Variants in ATG16L2 observed in about 807,000 individuals in gnomAD.
ATG16L2 encodes the protein protein Atg16l2.
A neutral mutation model predicts 84.7 loss-of-function variants in ATG16L2; 77 were observed. That is an observed-to-expected ratio of 0.91 (90% CI 0.76 to 1.10). ATG16L2 has a LOEUF of 1.10. Among genes scored for constraint, ATG16L2 ranks in the 50% least tolerant of loss-of-function variants. The probability of loss-of-function intolerance (pLI) is 0.00; values close to 1 mark genes in which losing one functional copy is unlikely to be tolerated. For missense variants in ATG16L2, 782 were observed against 817.6 expected (o/e 0.96, Z 0.53); for synonymous variants, 361 against 342.8 (o/e 1.05, Z -0.59).
chr11:72,828,078 C>T (rs1026355013), intron 14 of ATG16L2, among the ~76,000 whole-genome samples: 8 of 152,316 alleles, frequency 5.3e-5, no homozygotes, highest in East Asian at 3.9e-4. Flanking sequence ...TTTTTAAAGA[C>T]GAGACTTCAT....
At chr11:72,821,227 T>G (rs1859972787) in intron 3 of ATG16L2, 1 of 992,118 alleles carries the variant, frequency 1.0e-6, no homozygotes, top group Non-Finnish European at 1.2e-6. Flanking sequence ...CCTCCTGGTG[T>G]GGTGAGGATG....
rs1463638192 is a variant in ATG16L2, at chr11:72,828,765, A to G, written c.1659A>G (p.Lys553=). 1 of 1,613,978 alleles carries G rather than the reference A, an allele frequency of 6.2e-7. No individual in the cohort carries two copies. Among genetic ancestry groups the G allele is most frequent in the African/African-American group, 1.3e-5 (1 of 74,880 alleles). Residue 553 remains lysine, a synonymous_variant, in exon 16 of 18, where the codon AAA becomes AAG. Coordinates refer to ENST00000321297, the MANE Select transcript of ATG16L2 (RefSeq NM_033388.2). ...TCAAGTGTGGTTCTGACTGGACCAA[A>G]GCTGTGTTCAGGTATGTCCGTGAGA... ...DGFKCGSDWT[K]AVFSPDRSYA...
intron 1 of ATG16L2, among the ~76,000 whole-genome samples, chr11:72,815,147 C>T (rs1859634670): frequency 6.6e-6 from 1 of 152,218 alleles, no homozygotes; most frequent in South Asian, 2.1e-4. Context: ...TGGCTGAGCC[C>T]AGCGAAGTCG....
intron 11 of ATG16L2, 125 bp downstream of exon 11, chr11:72,826,368 A>G: frequency 7.0e-7 from 1 of 1,422,406 alleles, no homozygotes; most frequent in Non-Finnish European, 9.6e-7. Context: ...GGGCTCTTAC[A>G]CAGATCCTCC....
intron 5 of ATG16L2, among the ~76,000 whole-genome samples, chr11:72,839,719 G>T (rs535490507): frequency 6.6e-6 from 1 of 152,282 alleles, no homozygotes; most frequent in Admixed American, 6.5e-5. Flanking sequence ...TTTTTGCTGA[G>T]TTTTGGGGAT....
At chr11:72,830,718 C>T (rs1860588471), downstream of ATG16L2, among the ~76,000 whole-genome samples, 1 of 152,196 alleles carries the variant, frequency 6.6e-6, no homozygotes, top group Non-Finnish European at 1.5e-5. Context: ...CACCCGCAAC[C>T]CCAGCATGAA....
At chr11:72,838,576 G>A in intron 5 of ATG16L2, 1 of 580,594 alleles carries the variant, frequency 1.7e-6, no homozygotes, top group East Asian at 2.9e-5. Context: ...TTGTGCTATG[G>A]TAGGAGAAAT....
intron 12 of ATG16L2, 33 bp from the exon 13 acceptor site, chr11:72,826,670 A>C: frequency 6.2e-7 from 1 of 1,614,086 alleles, no homozygotes; most frequent in Non-Finnish European, 8.5e-7. Context: ...GTCTTGGCCA[A>C]ACTCTTGATC....
chr11:72,826,774 T>G lies in ATG16L2; in HGVS notation c.1317T>G (p.Thr439=). The G allele has an allele frequency of 6.2e-7, 1 of 1,614,046 alleles. No homozygotes were observed. Among genetic ancestry groups the G allele is most frequent in the Non-Finnish European group, 8.5e-7 (1 of 1,179,976 alleles). Residue 439 remains threonine (T), a synonymous_variant, in exon 13 of 18, where the codon ACT becomes ACG. Coordinates refer to ENST00000321297, the MANE Select transcript of ATG16L2 (RefSeq NM_033388.2). The stretch of plus-strand genomic sequence containing the variant: ...AGCTAACGAGGCACCAGGCAGTGAC[T>G]GGGAGCCGCGACCGGACAGTGAAGG... The part of the protein sequence containing the change: ...KFKLTRHQAV[T]GSRDRTVKEW...
At chr11:72,815,836 A>G (rs1378018124) in intron 1 of ATG16L2, 2 of 152,158 alleles carry the variant, frequency 1.3e-5, no homozygotes, top group African/African-American at 4.8e-5. Flanking sequence ...AACTGGTGAG[A>G]AAAGAGGAAG....
chr11:72,838,874 C>A, intron 5 of ATG16L2: 1 of 1,597,324 alleles, frequency 6.3e-7, no homozygotes, highest in East Asian at 2.3e-5. Flanking sequence ...GCTGCCCGGA[C>A]CTGAGCAGGA....
At chr11:72,833,016 T>G (rs1860640578), downstream of ATG16L2, among the ~76,000 whole-genome samples, 1 of 152,112 alleles carries the variant, frequency 6.6e-6, no homozygotes, top group South Asian at 2.1e-4. Context: ...CTGCCCAATC[T>G]CAGGCCTTAG....
At chr11:72,841,512 G>A in intron 5 of ATG16L2, 1 of 1,611,236 alleles carries the variant, frequency 6.2e-7, no homozygotes, top group Non-Finnish European at 8.5e-7. Context: ...GGCTGGGGTA[G>A]GGGCTGCTGG....
chr11:72,822,627 C>G lies in ATG16L2; in HGVS notation c.710+84C>G. 1 of 1,540,110 alleles carries G rather than the reference C, an allele frequency of 6.5e-7. No homozygotes were observed. The highest frequency in any genetic ancestry group is 8.8e-7 in the Non-Finnish European group (1 of 1,134,012). Reference sequence around the variant, plus strand: ...GCGGCGACCCAGGCTGCCGACTGTACTTGTGCACAGCCCCGTCCTGAGGCC... The same window carrying G: ...GCGGCGACCCAGGCTGCCGACTGTAGTTGTGCACAGCCCCGTCCTGAGGCC... On this transcript the variant is annotated intron_variant, in intron 6 of 17. Transcript: ENST00000321297. The surrounding 1 kb of genome is among the most constrained non-coding windows in gnomAD (Gnocchi z 4.2).
downstream of ATG16L2, among the ~76,000 whole-genome samples, chr11:72,834,033 A>G (rs1439797302): frequency 6.6e-6 from 1 of 151,920 alleles, no homozygotes. Context: ...AAAATAGTCT[A>G]GGAACAAGAT....
At chr11:72,821,517 G>T in intron 3 of ATG16L2, 151 bp from the exon 4 acceptor site, 2 of 1,442,026 alleles carry the variant, frequency 1.4e-6, no homozygotes, top group Non-Finnish European at 1.8e-6. Flanking sequence ...GCGCGTCCCT[G>T]TGCAAGGTCC....
At chr11:72,821,405 A>G (rs996718352) in intron 3 of ATG16L2, 3 of 1,279,196 alleles carry the variant, frequency 2.3e-6, no homozygotes, top group Non-Finnish European at 3.0e-6. Context: ...CTTGCCAGAG[A>G]GGTTCCTAGT....
chr11:72,828,732 C>CGAT lies in ATG16L2; in HGVS notation c.1628_1630dup (p.Asp543dup), dbSNP rs752733567. ...CCCCAGCCCTGTCTGTCCTCAGGGC[C>CGAT]GATGGCTTCAAGTGTGGTTCTGACT... On this transcript the variant is annotated inframe_insertion, in exon 16 of 18. Coordinates refer to ENST00000321297, the MANE Select transcript of ATG16L2 (RefSeq NM_033388.2). 1 of 1,614,162 alleles carries CGAT rather than the reference C, an allele frequency of 6.2e-7. No individual in the cohort carries two copies. The highest frequency in any genetic ancestry group is 8.5e-7 in the Non-Finnish European group (1 of 1,180,014).
rs756944346 is a variant in ATG16L2 at position 72,817,708 on chromosome 11, A to T, written c.219-48A>T. 5 of 1,594,720 alleles carry T rather than the reference A, an allele frequency of 3.1e-6. No homozygotes were observed. In the African/African-American group the frequency reaches 6.7e-5, roughly 21 times the overall value. On this transcript the variant is annotated intron_variant, in intron 2 of 17. Transcript: ENST00000321297. ...TAGCATCACTTGGGTGCCTTTGGGC[A>T]CTTGGGTGAACCGGGGGACATTGAG... is the stretch of plus-strand genomic sequence containing the variant.
Sources: gnomAD v4.1 joint callset for allele counts (sites outside exome capture counted in the v4.1 genomes callset) on GRCh38, gnomAD v4.1.1 for gene constraint, Gnocchi (gnomAD v3.1) non-coding constraint, MANE v1.5 for transcripts, NCBI Gene and HGNC (gene_info 2026-07-23, HGNC 2026-07-21) for gene names.